Variants in RIMBP2 observed in about 807,000 individuals in gnomAD.
The protein encoded by RIMBP2 is RIMS-binding protein 2.
In RIMBP2, 48 loss-of-function variants were observed where a neutral mutation model predicts 118.6. The ratio of observed to expected loss-of-function variants is 0.40; its 90% CI spans 0.32 to 0.51. The LOEUF (loss-of-function observed/expected upper bound fraction) is 0.51, where lower values mean the gene tolerates loss of function less well. RIMBP2 is among the 20% of genes least tolerant of loss of function. RIMBP2 has a pLI of 0.41. For missense variants in RIMBP2, 1,551 were observed against 1,768.3 expected, an observed-to-expected ratio of 0.88 and a Z score of 2.20; for synonymous variants, 762 against 742.9, an observed-to-expected ratio of 1.03 and a Z score of -0.42.
At chr12:130,502,967 C>A (rs1469341084) in intron 4 of RIMBP2, among the ~76,000 whole-genome samples, 1 of 152,152 alleles carries the variant, frequency 6.6e-6, no homozygotes, top group Non-Finnish European at 1.5e-5. Flanking sequence ...GGTGGACTTG[C>A]AGGCGGAGTC....
chr12:130,414,359 C>G lies in RIMBP2; in HGVS notation c.3239-53G>C, dbSNP rs538116533. Reference sequence around the variant, plus strand: ...AGCGGCAGTGAGCCTAACTGAGGAGCGTGCACGGGAAATGCAGCTTTGGAA... The same window carrying G: ...AGCGGCAGTGAGCCTAACTGAGGAGGGTGCACGGGAAATGCAGCTTTGGAA... On this transcript the variant is annotated intron_variant, in intron 17 of 22. Transcript: ENST00000690449. 4 of 1,498,050 alleles carry G rather than the reference C, an allele frequency of 2.7e-6. No homozygotes were observed. The East Asian group carries it at 9.2e-5, about 35-fold the overall frequency. The allele number at this position is 1,498,050 out of a possible 1,614,324, so 92.8% of individuals were successfully genotyped here.
At chr12:130,528,871 T>A (rs1338879989) in intron 2 of RIMBP2, among the ~76,000 whole-genome samples, 2 of 152,192 alleles carry the variant, frequency 1.3e-5, no homozygotes, top group Non-Finnish European at 2.9e-5. Flanking sequence ...TGTAAAATGG[T>A]GCAGCCACTG....
chr12:130,404,203 T>TAC (rs771904762), intron 21 of RIMBP2, among the ~76,000 whole-genome samples: 66 of 152,068 alleles, frequency 4.3e-4, no homozygotes, highest in Middle Eastern at 3.4e-3. Context: ...GGGGGACATG[T>TAC]ACACACACAC....
At chr12:130,508,043 G>A (rs756729296) in intron 3 of RIMBP2, among the ~76,000 whole-genome samples, 3 of 152,152 alleles carry the variant, frequency 2.0e-5, no homozygotes, top group Non-Finnish European at 2.9e-5. Context: ...TTGCTGCAAC[G>A]TGATGTTATC....
rs61934864 is a variant in RIMBP2, at chr12:130,646,370, A to G, written c.-351-17914T>C. Among the ~76,000 whole-genome samples, 114 of 38,016 alleles carry G rather than the reference A, an allele frequency of 3.0e-3. 29 individuals are homozygous for G. Among genetic ancestry groups the G allele is most frequent in the African/African-American group, 0.013 (73 of 5,496 alleles). 24.9% of individuals were successfully genotyped at this position (38,016 alleles called of 152,430 possible). On this transcript the variant is annotated intron_variant, in intron 1 of 22. Coordinates refer to ENST00000690449, the MANE Select transcript of RIMBP2 (RefSeq NM_001393629.1). ...CACCACCTCCCTCACCACCTCCCTCACCACCTCCCTCACCACCTCCCTCAC... is the reference window on the plus strand; with the variant it reads ...CACCACCTCCCTCACCACCTCCCTCGCCACCTCCCTCACCACCTCCCTCAC...
At chr12:130,496,184 A>T (rs2138566425) in intron 4 of RIMBP2, among the ~76,000 whole-genome samples, 1 of 152,280 alleles carries the variant, frequency 6.6e-6, no homozygotes, top group Non-Finnish European at 1.5e-5. Flanking sequence ...AGATAATTGG[A>T]TCATGGGGGC....
intron 2 of RIMBP2, among the ~76,000 whole-genome samples, chr12:130,529,392 A>G (rs753011471): frequency 1.3e-5 from 2 of 152,190 alleles, no homozygotes; most frequent in African/African-American, 2.4e-5. Flanking sequence ...ATGATTCCAC[A>G]TACATGAGAT....
intron 14 of RIMBP2, among the ~76,000 whole-genome samples, chr12:130,433,457 C>T (rs542991737): frequency 6.6e-6 from 1 of 152,310 alleles, no homozygotes; most frequent in East Asian, 1.9e-4. Flanking sequence ...CTGCCCTTCC[C>T]TCTTCAGAGA....
chr12:130,416,017 G>A lies in RIMBP2; in HGVS notation c.3239-1711C>T, dbSNP rs79525850. On this transcript the variant is annotated intron_variant, in intron 17 of 22. Coordinates refer to ENST00000690449, the MANE Select transcript of RIMBP2 (RefSeq NM_001393629.1). ...TACATCTAACCAAGACACACAGAATGTACCTAACCAAGGAGGTGAAAGATC... is the reference window on the plus strand; with the variant it reads ...TACATCTAACCAAGACACACAGAATATACCTAACCAAGGAGGTGAAAGATC... 2.6e-3 allele frequency among the ~76,000 whole-genome samples: 391 copies of A among 151,928 alleles called. 12 individuals carry two copies. The East Asian group carries it at 0.069, about 27-fold the overall frequency.
chr12:130,491,720 T>C (rs2048660296), intron 4 of RIMBP2, among the ~76,000 whole-genome samples: 2 of 152,216 alleles, frequency 1.3e-5, no homozygotes, highest in African/African-American at 4.8e-5. Context: ...GACACCGGGC[T>C]TCCGCCTCCC....
intron 2 of RIMBP2, among the ~76,000 whole-genome samples, chr12:130,596,412 G>T (rs1372135063): frequency 6.6e-6 from 1 of 151,686 alleles, no homozygotes; most frequent in African/African-American, 2.4e-5. Flanking sequence ...TTGAAACCAG[G>T]CTCAGACAAC....
chr12:130,604,572 T>G, intron 2 of RIMBP2, among the ~76,000 whole-genome samples: 1 of 101,148 alleles, frequency 9.9e-6, no homozygotes, highest in Non-Finnish European at 2.0e-5. Context: ...CCTATACAGA[T>G]GCCCCTTTTC....
intron 2 of RIMBP2, among the ~76,000 whole-genome samples, chr12:130,549,190 C>T (rs1357422583): frequency 6.6e-6 from 1 of 152,144 alleles, no homozygotes; most frequent in African/African-American, 2.4e-5. Context: ...TCATCATTTT[C>T]TCCAGCACTG....
chr12:130,618,345 G>A (rs1183963203), intron 2 of RIMBP2, among the ~76,000 whole-genome samples: 1 of 152,112 alleles, frequency 6.6e-6, no homozygotes, highest in East Asian at 1.9e-4. Context: ...CTTTTTTATA[G>A]ACAATGTACA....
intron 1 of RIMBP2, among the ~76,000 whole-genome samples, chr12:130,679,676 A>C (rs563180617): frequency 6.6e-6 from 1 of 152,380 alleles, no homozygotes; most frequent in African/African-American, 2.4e-5. Flanking sequence ...CTTAAAAAAC[A>C]AACACTCTGT....
intron 2 of RIMBP2, among the ~76,000 whole-genome samples, chr12:130,535,344 T>TA (rs529240633): frequency 0.13 from 16,882 of 128,484 alleles, 1,220 homozygotes; most frequent in Non-Finnish European, 0.21. Context: ...ACTAAAAAAT[T>TA]AAAAAAAAAA....
At chr12:130,607,519 G>A (rs544400172) in intron 2 of RIMBP2, among the ~76,000 whole-genome samples, 12 of 151,910 alleles carry the variant, frequency 7.9e-5, no homozygotes, top group South Asian at 6.3e-4. Context: ...GCTTCCACAT[G>A]CTCGGTGGGA....
In RIMBP2 at chr12:130,434,817, C is replaced by T. The variant is rs1466019055; in HGVS notation, c.2170G>A (p.Glu724Lys). The change falls in exon 14 of 23, where the codon GAG becomes AAG. Residue 724 changes from glutamate to lysine, a missense_variant. By Grantham distance (56) the Glu-to-Lys change is moderately conservative. Around this residue, in one of 5 missense-constraint regions of RIMBP2, gnomAD observed 1,038 missense variants for 1,125.1 expected, o/e 0.92. Transcript: ENST00000690449. The surrounding 1 kb of genome is among the most constrained non-coding windows in gnomAD (Gnocchi z 5.7). ...AAGTCTGGAGAGTCATAGGCGTCCT[C>T]CTCGTCTGAGGCGGCGTACTGCCCC... ...SAGQYAASDE[E>K]DAYDSPDFKR... 2.0e-5 allele frequency: 33 copies of T among 1,613,838 alleles called. No homozygotes were observed. The highest frequency in any genetic ancestry group is 2.6e-5 in the Non-Finnish European group (31 of 1,180,004).
Position 130,419,897 on chromosome 12 carries a change from T to A in RIMBP2, c.3238+2556A>T, listed in dbSNP as rs1255891306. On this transcript the variant is annotated intron_variant, in intron 17 of 22. Coordinates refer to ENST00000690449, the MANE Select transcript of RIMBP2 (RefSeq NM_001393629.1). The surrounding 1 kb of genome is among the most constrained non-coding windows in gnomAD (Gnocchi z 4.3). Reference sequence around the variant, plus strand: ...ATATATTTGAAGCCACATAATTTTGTTTTTTAATCATGAAGGACATTTTTT... The same window carrying A: ...ATATATTTGAAGCCACATAATTTTGATTTTTAATCATGAAGGACATTTTTT... The A allele has an allele frequency of 6.6e-6, 1 of 152,184 alleles. No individual in the cohort carries two copies. Among genetic ancestry groups the A allele is most frequent in the Non-Finnish European group, 1.5e-5 (1 of 68,042 alleles). 9.4% of individuals were successfully genotyped at this position (152,184 alleles called of 1,614,324 possible).
Sources: gnomAD v4.1 joint callset for allele counts (sites outside exome capture counted in the v4.1 genomes callset) on GRCh38, gnomAD v4.1.1 for gene constraint, gnomAD v4.1.1 regional missense constraint, Gnocchi (gnomAD v3.1) non-coding constraint, MANE v1.5 for transcripts, NCBI Gene and HGNC (gene_info 2026-07-23, HGNC 2026-07-21) for gene names.